The following CPNE8 variants were observed in gnomAD, a reference collection of about 807,000 sequenced individuals.
CPNE8 encodes copine 8.
In CPNE8, 45 loss-of-function variants were observed where a neutral mutation model predicts 81.5. That is an observed-to-expected ratio of 0.55 (90% CI 0.44 to 0.71). The LOEUF (loss-of-function observed/expected upper bound fraction) is 0.71. Ranked by LOEUF, CPNE8 falls within the 30% of genes least tolerant of loss-of-function variation. CPNE8 has a pLI of 0.00. For synonymous variants in CPNE8, 252 were observed against 226.3 expected, an observed-to-expected ratio of 1.11 and a Z score of -1.02; for missense variants, 594 against 672.1, an observed-to-expected ratio of 0.88 and a Z score of 1.28.
chr12:38,826,651 C>A (rs1426137321), intron 6 of CPNE8, among the ~76,000 whole-genome samples: 3 of 152,104 alleles, frequency 2.0e-5, no homozygotes, highest in Admixed American at 6.5e-5. Context: ...ATCAGCTGAA[C>A]AAGGACCATA....
intron 1 of CPNE8, among the ~76,000 whole-genome samples, chr12:38,892,837 T>C (rs1944333326): frequency 6.6e-6 from 1 of 152,210 alleles, no homozygotes; most frequent in Non-Finnish European, 1.5e-5. Flanking sequence ...TCTATTCATA[T>C]CAAACACTGT....
At chr12:38,885,230 A>G (rs1944221580) in intron 1 of CPNE8, among the ~76,000 whole-genome samples, 1 of 152,222 alleles carries the variant, frequency 6.6e-6, no homozygotes, top group Non-Finnish European at 1.5e-5. Flanking sequence ...TATATCATAT[A>G]CAAGAATGTT....
chr12:38,704,030 A>T (rs756057297), intron 13 of CPNE8, among the ~76,000 whole-genome samples: 2 of 152,168 alleles, frequency 1.3e-5, no homozygotes, highest in African/African-American at 4.8e-5. Flanking sequence ...ATTCTTCCTT[A>T]TAAGTGCGAG....
intron 6 of CPNE8, among the ~76,000 whole-genome samples, chr12:38,817,965 G>C (rs1020540300): frequency 1.3e-5 from 2 of 152,090 alleles, no homozygotes; most frequent in Non-Finnish European, 2.9e-5. Context: ...CTGTGGTTAA[G>C]CATGCAGGCA....
chr12:38,871,295 G>A lies in CPNE8; in HGVS notation c.186+1709C>T, dbSNP rs529452642. Among the ~76,000 whole-genome samples, 20 of 152,276 alleles carry A rather than the reference G, an allele frequency of 1.3e-4. No individual in the cohort carries two copies. The South Asian group carries it at 3.7e-3, about 28-fold the overall frequency. ...TGCCTCATTATTAGTCATTTGCACTGGCCCAGATGCCTGGTACTATAACTT... is the reference window on the plus strand; with the variant it reads ...TGCCTCATTATTAGTCATTTGCACTAGCCCAGATGCCTGGTACTATAACTT... On this transcript the variant is annotated intron_variant, in intron 3 of 19. Transcript: ENST00000331366.
At chr12:38,864,073 A>G (rs1421004729) in intron 3 of CPNE8, among the ~76,000 whole-genome samples, 1 of 151,614 alleles carries the variant, frequency 6.6e-6, no homozygotes, top group African/African-American at 2.4e-5. Flanking sequence ...AAAAAAAAAA[A>G]GAAAAAAGAA....
At chr12:38,745,691 C>A (rs576027133) in intron 10 of CPNE8, among the ~76,000 whole-genome samples, 12 of 152,236 alleles carry the variant, frequency 7.9e-5, no homozygotes, top group Middle Eastern at 3.4e-3. Context: ...CACAGGGGTG[C>A]ACCACCATGC....
chr12:38,904,593 C>T (rs1368396577), intron 1 of CPNE8, among the ~76,000 whole-genome samples: 1 of 151,798 alleles, frequency 6.6e-6, no homozygotes. Flanking sequence ...CTCAGTCTCC[C>T]GAGTAGCTGG....
intron 6 of CPNE8, among the ~76,000 whole-genome samples, chr12:38,816,701 C>G (rs1943030201): frequency 6.6e-6 from 1 of 152,146 alleles, no homozygotes; most frequent in Non-Finnish European, 1.5e-5. Context: ...TAAATTCCTG[C>G]TAATGATTAA....
At chr12:38,727,677 T>A (rs921779566) in intron 11 of CPNE8, among the ~76,000 whole-genome samples, 12 of 152,262 alleles carry the variant, frequency 7.9e-5, no homozygotes, top group Non-Finnish European at 7.4e-5. Context: ...TAACAGCGTA[T>A]CTGCTGGAGG....
chr12:38,902,025 A>C (rs1049705190), intron 1 of CPNE8, among the ~76,000 whole-genome samples: 1 of 152,000 alleles, frequency 6.6e-6, no homozygotes, highest in Non-Finnish European at 1.5e-5. Flanking sequence ...AAACAGACTA[A>C]ATTATTTCCA....
At chr12:38,885,326 T>C (rs1057486013) in intron 1 of CPNE8, among the ~76,000 whole-genome samples, 1 of 152,244 alleles carries the variant, frequency 6.6e-6, no homozygotes, top group Admixed American at 6.5e-5. Context: ...AAGAAGTGAA[T>C]TGGCATTTTA....
At chr12:38,764,571 C>G (rs1188340426) in intron 8 of CPNE8, among the ~76,000 whole-genome samples, 2 of 142,796 alleles carry the variant, frequency 1.4e-5, no homozygotes, top group Non-Finnish European at 3.0e-5. Context: ...GAGCCGAGAT[C>G]CCGCCACTGC....
At chr12:38,820,083 C>T (rs1157436359) in intron 6 of CPNE8, among the ~76,000 whole-genome samples, 3 of 152,062 alleles carry the variant, frequency 2.0e-5, no homozygotes, top group Non-Finnish European at 4.4e-5. Context: ...CTTCTAAACA[C>T]TTCCTATACA....
At chr12:38,811,256 C>A (rs1045799295) in intron 6 of CPNE8, among the ~76,000 whole-genome samples, 1 of 151,658 alleles carries the variant, frequency 6.6e-6, no homozygotes, top group African/African-American at 2.4e-5. Context: ...AGCCTATCAA[C>A]TTGATGTTAG....
chr12:38,705,274 C>A (rs891553929), intron 13 of CPNE8, among the ~76,000 whole-genome samples: 1 of 152,104 alleles, frequency 6.6e-6, no homozygotes, highest in African/African-American at 2.4e-5. Context: ...TCTGCTATTA[C>A]AGCATAGGGT....
chr12:38,727,613 A>G (rs567110594), intron 11 of CPNE8, among the ~76,000 whole-genome samples: 1 of 152,308 alleles, frequency 6.6e-6, no homozygotes, highest in East Asian at 1.9e-4. Flanking sequence ...GCCTGCTCAG[A>G]GGGAAATGCC....
rs1329308998 is a variant in CPNE8 at position 38,685,570 on chromosome 12, C to T, written c.1191G>A (p.Met397Ile). 3 of 1,613,504 alleles carry T rather than the reference C, an allele frequency of 1.9e-6. No individual in the cohort carries two copies. In the African/African-American group the frequency reaches 4.0e-5, roughly 22 times the overall value. Residue 397 changes from methionine to isoleucine, a missense_variant, in exon 16 of 20, where the codon ATG becomes ATA. Met to Ile is a conservative substitution (Grantham distance 10). Transcript: ENST00000331366. Reference sequence around the variant, plus strand: ...ATTTCAGACTCCTGTAATAAGCCTCCATGACCCCCTCAATGCCATCACAGT... The same window carrying T: ...ATTTCAGACTCCTGTAATAAGCCTCTATGACCCCCTCAATGCCATCACAGT... ...NPYCDGIEGV[M>I]EAYYRSLKSV...
chr12:38,876,724 T>G (rs926707915), intron 1 of CPNE8, among the ~76,000 whole-genome samples: 3 of 152,248 alleles, frequency 2.0e-5, no homozygotes, highest in Non-Finnish European at 4.4e-5. Flanking sequence ...TTACCTGTAC[T>G]TTGGTCATAT....
Sources: gnomAD v4.1 joint callset for allele counts (sites outside exome capture counted in the v4.1 genomes callset) on GRCh38, gnomAD v4.1.1 for gene constraint, MANE v1.5 for transcripts, NCBI Gene and HGNC (gene_info 2026-07-23, HGNC 2026-07-21) for gene names.